Variants in DBX2 observed in about 807,000 individuals in gnomAD.
The protein encoded by DBX2 is developing brain homeobox 2.
A neutral mutation model predicts 17.7 loss-of-function variants in DBX2; 16 were observed. The ratio of observed to expected loss-of-function variants is 0.90; its 90% CI spans 0.61 to 1.37. The LOEUF (loss-of-function observed/expected upper bound fraction) is 1.37. Among genes scored for constraint, DBX2 ranks in the 40% most tolerant of loss-of-function variants. DBX2 has a pLI of 0.00. For synonymous variants in DBX2, 255 were observed against 183.8 expected (o/e 1.39, Z -3.13); for missense variants, 538 against 433.8 (o/e 1.24, Z -2.13).
At chr12:45,036,902 T>C (rs1182980847) in intron 1 of DBX2, among the ~76,000 whole-genome samples, 2 of 152,172 alleles carry the variant, frequency 1.3e-5, no homozygotes, top group East Asian at 3.8e-4. Context: ...TGCCATGTAA[T>C]TCTGCTCTGC....
chr12:45,024,565 T>C (rs1437659492), intron 2 of DBX2, among the ~76,000 whole-genome samples: 3 of 152,226 alleles, frequency 2.0e-5, no homozygotes, highest in Non-Finnish European at 2.9e-5. Context: ...AAATACTTCA[T>C]TTTTCTCTAA....
chr12:45,030,631 G>C (rs1005729699), intron 2 of DBX2, among the ~76,000 whole-genome samples: 1 of 152,162 alleles, frequency 6.6e-6, no homozygotes, highest in East Asian at 1.9e-4. Context: ...GTAGGCCAAG[G>C]CGTGCTATAT....
At position 45,029,516 on chromosome 12, in the gene DBX2, G is replaced by A. The variant is rs147509281; in HGVS notation, c.500-5622C>T. On this transcript the variant is annotated intron_variant, in intron 2 of 3. Transcript: ENST00000332700. ...TTACATCAAAGATTGTCAAAGGTACGAGTGGGCAGGGAAAGAAGTGGGAAA... is the reference window on the plus strand; with the variant it reads ...TTACATCAAAGATTGTCAAAGGTACAAGTGGGCAGGGAAAGAAGTGGGAAA... Among the ~76,000 whole-genome samples the A allele has an allele frequency of 5.5e-3, 833 of 152,264 alleles. 18 individuals are homozygous for A. Among genetic ancestry groups the A allele is most frequent in the Admixed American group, 0.045 (691 of 15,286 alleles).
intron 3 of DBX2, among the ~76,000 whole-genome samples, chr12:45,018,472 T>C (rs1466113855): frequency 6.6e-6 from 1 of 151,986 alleles, no homozygotes; most frequent in Non-Finnish European, 1.5e-5. Flanking sequence ...TAGCTAAATA[T>C]AAAAACGAAA....
Position 45,050,700 on chromosome 12 carries a change from C to A in DBX2, c.228G>T (p.Leu76=), listed in dbSNP as rs748646032. ...LATAGAQLRP[L]PASPVPLKLC... ...GCTTTAGGGGAACTGGGCTAGCAGG[C>A]AGGGGCCGGAGCTGCGCGCCCGCGG... Residue 76 remains leucine, a synonymous_variant, in exon 1 of 4, where the codon CTG becomes CTT. Coordinates refer to ENST00000332700, the MANE Select transcript of DBX2 (RefSeq NM_001004329.3). 4.6e-6 allele frequency: 7 copies of A among 1,524,542 alleles called. No homozygotes were observed. The South Asian group carries it at 8.6e-5, about 19-fold the overall frequency. 94.4% of individuals were successfully genotyped at this position (1,524,542 alleles called of 1,614,324 possible). A position where few individuals can be genotyped will look rare whatever the true frequency, so the allele number is the denominator to read the frequency against.
At chr12:45,021,976 C>T (rs1946354670) in intron 3 of DBX2, among the ~76,000 whole-genome samples, 1 of 152,122 alleles carries the variant, frequency 6.6e-6, no homozygotes, top group African/African-American at 2.4e-5. Flanking sequence ...TTATTGCCTA[C>T]CTACCACAGT....
intron 1 of DBX2, among the ~76,000 whole-genome samples, chr12:45,040,861 C>A (rs1286926549): frequency 6.6e-6 from 1 of 151,868 alleles, no homozygotes; most frequent in African/African-American, 2.4e-5. Flanking sequence ...TGGTGTGAAA[C>A]CACATTCTTA....
chr12:45,041,416 A>C (rs1946470656), intron 1 of DBX2, among the ~76,000 whole-genome samples: 1 of 152,120 alleles, frequency 6.6e-6, no homozygotes, highest in Non-Finnish European at 1.5e-5. Flanking sequence ...GCAAACATCT[A>C]TCTTGAATAG....
chr12:45,045,478 G>A (rs1342891499), intron 1 of DBX2, among the ~76,000 whole-genome samples: 1 of 152,216 alleles, frequency 6.6e-6, no homozygotes, highest in Non-Finnish European at 1.5e-5. Context: ...ATGCATGGAT[G>A]TTGTGTCCTT....
In DBX2 at chr12:45,050,770, C is replaced by T. The variant is rs1592762452; in HGVS notation, c.158G>A (p.Arg53Lys). ...GTCGTGGGGCGCGGGCGGCTGCAGCCTGGGCGTTGGGGCGCCCCCGACCCG... is the reference window on the plus strand; with the variant it reads ...GTCGTGGGGCGCGGGCGGCTGCAGCTTGGGCGTTGGGGCGCCCCCGACCCG... ...LLRVGGAPTP[R>K]LQPPAPHDPA... The change falls in exon 1 of 4, where the codon AGG becomes AAG. Residue 53 changes from arginine (R) to lysine (K), a missense_variant. By Grantham distance (26) the Arg-to-Lys change is conservative. Coordinates refer to ENST00000332700, the MANE Select transcript of DBX2 (RefSeq NM_001004329.3). 6.6e-7 allele frequency: 1 copy of T among 1,511,538 alleles called. No individual in the cohort carries two copies. Among genetic ancestry groups the T allele is most frequent in the Non-Finnish European group, 8.8e-7 (1 of 1,131,264 alleles). 93.6% of individuals were successfully genotyped at this position (1,511,538 alleles called of 1,614,324 possible).
intron 2 of DBX2, among the ~76,000 whole-genome samples, chr12:45,034,295 G>A (rs536130660): frequency 1.3e-5 from 2 of 152,114 alleles, no homozygotes; most frequent in African/African-American, 4.8e-5. Flanking sequence ...CTCCACTCCC[G>A]AAATCTAACA....
At chr12:45,038,565 T>C (rs1008398401) in intron 1 of DBX2, among the ~76,000 whole-genome samples, 3 of 151,346 alleles carry the variant, frequency 2.0e-5, no homozygotes, top group Admixed American at 1.3e-4. Context: ...ATATTACAAA[T>C]TTTTCTATTC....
At chr12:45,039,309 A>G (rs1397483352) in intron 1 of DBX2, among the ~76,000 whole-genome samples, 7 of 122,562 alleles carry the variant, frequency 5.7e-5, no homozygotes, top group Non-Finnish European at 1.1e-4. Flanking sequence ...ATATATATAT[A>G]TATATATATA....
At chr12:45,046,802 C>A (rs1457548825) in intron 1 of DBX2, among the ~76,000 whole-genome samples, 1 of 152,082 alleles carries the variant, frequency 6.6e-6, no homozygotes, top group East Asian at 1.9e-4. Flanking sequence ...TGGTCAGAAA[C>A]AATCCTAACC....
In DBX2 at chr12:45,050,852, GGAGGTT is replaced by G; in HGVS notation, c.70_75del (p.Asn24_Leu25del). The stretch of plus-strand genomic sequence containing the variant: ...AGGTTGCCAAAGCCGGGCGCAGCGG[GGAGGTT>G]GAGGAGCGCGGAGGAAGCCACAACG... On this transcript the variant is annotated inframe_deletion, in exon 1 of 4. Coordinates refer to ENST00000332700, the MANE Select transcript of DBX2 (RefSeq NM_001004329.3). 1 of 1,537,866 alleles carries G rather than the reference GGAGGTT, an allele frequency of 6.5e-7. No homozygotes were observed. Among genetic ancestry groups the G allele is most frequent in the Non-Finnish European group, 8.7e-7 (1 of 1,145,308 alleles).
chr12:45,033,715 A>G (rs1452348066), intron 2 of DBX2, among the ~76,000 whole-genome samples: 1 of 152,178 alleles, frequency 6.6e-6, no homozygotes, highest in African/African-American at 2.4e-5. Context: ...TGGGATCTCT[A>G]AACTGTTTTA....
intron 3 of DBX2, among the ~76,000 whole-genome samples, chr12:45,018,396 A>G (rs1485573968): frequency 1.3e-5 from 2 of 152,164 alleles, no homozygotes; most frequent in Non-Finnish European, 2.9e-5. Flanking sequence ...ACAAATGCAT[A>G]TTTGGGGAGT....
chr12:45,029,899 T>TAAATAAAC (rs1946400141), intron 2 of DBX2, among the ~76,000 whole-genome samples: 1 of 149,214 alleles, frequency 6.7e-6, no homozygotes, highest in African/African-American at 2.5e-5. Flanking sequence ...AATAAATAAA[T>TAAATAAAC]AAATAAATAA....
Position 45,023,900 on chromosome 12 carries a change from G to A in DBX2, c.500-6C>T. The A allele has an allele frequency of 6.5e-7, 1 of 1,538,372 alleles. No individual in the cohort carries two copies. Among genetic ancestry groups the A allele is most frequent in the Non-Finnish European group, 8.7e-7 (1 of 1,150,096 alleles). On this transcript the variant is annotated splice_region_variant and splice_polypyrimidine_tract_variant and intron_variant, in intron 2 of 3. Coordinates refer to ENST00000332700, the MANE Select transcript of DBX2 (RefSeq NM_001004329.3). ...AGGCAGCATGCTCTCTTCTCCTAGA[G>A]TCGAGGGAAAAAGATACAAAAGCCC...
Sources: allele counts gnomAD v4.1 joint callset (sites outside exome capture counted in the v4.1 genomes callset), GRCh38; gene constraint gnomAD v4.1.1; transcripts MANE v1.5; gene names NCBI Gene and HGNC (gene_info 2026-07-23, HGNC 2026-07-21).